AHDC1: variants seen among roughly 807,000 people sequenced by gnomAD.
The protein encoded by AHDC1 is transcription factor Gibbin.
In AHDC1, 7 loss-of-function variants were observed where a neutral mutation model predicts 87.9. That is an observed-to-expected ratio of 0.08 (90% CI 0.05 to 0.15). The LOEUF (loss-of-function observed/expected upper bound fraction) is 0.15, where lower values mean the gene tolerates loss of function less well. Among genes scored for constraint, AHDC1 ranks in the 10% least tolerant of loss-of-function variants. The pLI, the probability that AHDC1 is intolerant of heterozygous loss-of-function variation, is 1.00. For synonymous variants in AHDC1, 1,051 were observed against 1,006.8 expected, an observed-to-expected ratio of 1.04 and a Z score of -0.83; for missense variants, 1,841 against 2,253.2, an observed-to-expected ratio of 0.82 and a Z score of 3.70.
chr1:27,601,762 G>A (rs1251143643), intron 3 of AHDC1, among the ~76,000 whole-genome samples: 1 of 152,176 alleles, frequency 6.6e-6, no homozygotes, highest in Non-Finnish European at 1.5e-5. Flanking sequence ...TACAGCCCCA[G>A]CTCACACAGC....
chr1:27,578,739 C>T (rs1181780982), intron 3 of AHDC1, among the ~76,000 whole-genome samples: 1 of 151,050 alleles, frequency 6.6e-6, no homozygotes, highest in Non-Finnish European at 1.5e-5. Context: ...CACTGTCGCA[C>T]AGGCTGGAGT....
chr1:27,593,014 TG>T lies in AHDC1; in HGVS notation c.-629+10382del, dbSNP rs2089269912. Reference sequence around the variant, plus strand: ...GACCCAAGGTGACCAGGGGCAGAGTTGGCCCCACCTCCGAGCTGCATTATTT... The same window carrying T: ...GACCCAAGGTGACCAGGGGCAGAGTTGCCCCACCTCCGAGCTGCATTATTT... On this transcript the variant is annotated intron_variant, in intron 3 of 8. Transcript: ENST00000673934. The surrounding 1 kb of genome is among the most constrained non-coding windows in gnomAD (Gnocchi z 4.9). Among the ~76,000 whole-genome samples the T allele has an allele frequency of 6.6e-6, 1 of 152,042 alleles. No homozygotes were observed. Among genetic ancestry groups the T allele is most frequent in the African/African-American group, 2.4e-5 (1 of 41,382 alleles).
In AHDC1 at chr1:27,547,226, G is replaced by T; in HGVS notation, c.*43+35C>A. On this transcript the variant is annotated intron_variant, in intron 8 of 8. Coordinates refer to ENST00000673934, the MANE Select transcript of AHDC1 (RefSeq NM_001371928.1). This position sits in a 1 kb window ranked among gnomAD's most constrained non-coding sequence, Gnocchi z 4.9. Reference sequence around the variant, plus strand: ...TCTGATGTCCTCTTCCCACCCCCAGGCCTCTGCCCACTGCGCCCACATCCC... The same window carrying T: ...TCTGATGTCCTCTTCCCACCCCCAGTCCTCTGCCCACTGCGCCCACATCCC... 2 of 1,393,944 alleles carry T rather than the reference G, an allele frequency of 1.4e-6. No individual in the cohort carries two copies. Among genetic ancestry groups the T allele is most frequent in the Non-Finnish European group, 1.9e-6 (2 of 1,033,520 alleles). 86.3% of individuals were successfully genotyped at this position (1,393,944 alleles called of 1,614,324 possible). A position where few individuals can be genotyped will look rare whatever the true frequency, so the allele number is the denominator to read the frequency against.
intron 3 of AHDC1, among the ~76,000 whole-genome samples, chr1:27,577,412 C>T (rs939165222): frequency 1.3e-5 from 2 of 152,124 alleles, no homozygotes; most frequent in Non-Finnish European, 2.9e-5. Flanking sequence ...TCCTAAGGAC[C>T]ACTCTCTGCT....
chr1:27,586,677 AC>A (rs1336638816), intron 3 of AHDC1, among the ~76,000 whole-genome samples: 1 of 152,046 alleles, frequency 6.6e-6, no homozygotes, highest in Non-Finnish European at 1.5e-5. Context: ...ACTCCCGGCA[AC>A]CCCAAATATC....
rs1429689496 is a variant in AHDC1 at position 27,534,256 on chromosome 1, T to G, written c.*704A>C. On this transcript the variant is annotated 3_prime_UTR_variant, in exon 9 of 9. Transcript: ENST00000673934. ...CACAAGACACAAGGTTGGTTTTTTT[T>G]TTTTGTTTTTTTTTTGTTTTTTTTT... 3 of 139,368 alleles carry G rather than the reference T, an allele frequency of 2.2e-5. No individual in the cohort carries two copies. Among genetic ancestry groups the G allele is most frequent in the South Asian group, 4.7e-4 (2 of 4,284 alleles). The allele number at this position is 139,368 out of a possible 1,614,324, so 8.6% of individuals were successfully genotyped here. A position where few individuals can be genotyped will look rare whatever the true frequency, so the allele number is the denominator to read the frequency against.
intron 3 of AHDC1, among the ~76,000 whole-genome samples, chr1:27,578,350 A>C (rs2088815452): frequency 6.6e-6 from 1 of 152,142 alleles, no homozygotes; most frequent in Admixed American, 6.5e-5. Flanking sequence ...ACACTTTGGG[A>C]GGCCGAGGTG....
chr1:27,547,707 G>A lies in AHDC1; in HGVS notation c.4409C>T (p.Pro1470Leu), dbSNP rs1402673243. Residue 1470 changes from proline to leucine, a missense_variant, in exon 8 of 9, where the codon CCA (proline) becomes CTA (leucine). This residue lies in a region of AHDC1 where 505 missense variants were observed against 626.2 expected (regional missense o/e 0.81). Transcript: ENST00000673934. This position sits in a 1 kb window ranked among gnomAD's most constrained non-coding sequence, Gnocchi z 4.9. ...SCKGTAYWYP[P>L]GSAARSPPYE... ...GGGCGGGCTGCGGGCAGCTGAGCCTGGAGGGTACCAATAGGCTGTGCCCTT... is the reference window on the plus strand; with the variant it reads ...GGGCGGGCTGCGGGCAGCTGAGCCTAGAGGGTACCAATAGGCTGTGCCCTT... The A allele has an allele frequency of 6.3e-7, 1 of 1,597,150 alleles. No individual in the cohort carries two copies. Among genetic ancestry groups the A allele is most frequent in the Admixed American group, 1.7e-5 (1 of 58,870 alleles).
intron 3 of AHDC1, among the ~76,000 whole-genome samples, chr1:27,575,652 T>G (rs377269170): frequency 6.6e-6 from 1 of 150,462 alleles, no homozygotes; most frequent in Non-Finnish European, 1.5e-5. Context: ...GAGAGCCACA[T>G]GCCGGCCGGC....
At chr1:27,554,498 C>T (rs760196104) in intron 5 of AHDC1, among the ~76,000 whole-genome samples, 13 of 152,112 alleles carry the variant, frequency 8.5e-5, no homozygotes, top group Non-Finnish European at 5.9e-5. Context: ...AAATATTTAC[C>T]GACTGACTCC....
At chr1:27,581,399 G>A (rs2088905129) in intron 3 of AHDC1, among the ~76,000 whole-genome samples, 1 of 151,850 alleles carries the variant, frequency 6.6e-6, no homozygotes, top group Middle Eastern at 3.4e-3. Flanking sequence ...TTCTCAAAAT[G>A]GGTCCTTAGC....
At chr1:27,546,265 G>T (rs563111301) in intron 8 of AHDC1, among the ~76,000 whole-genome samples, 42 of 152,338 alleles carry the variant, frequency 2.8e-4, no homozygotes, top group African/African-American at 9.9e-4. Flanking sequence ...GGAGCAGGCT[G>T]TTCTTCAAGA....
At chr1:27,594,852 C>T (rs945492745) in intron 3 of AHDC1, among the ~76,000 whole-genome samples, 6 of 151,972 alleles carry the variant, frequency 3.9e-5, no homozygotes, top group Non-Finnish European at 5.9e-5. Flanking sequence ...GGGGTGCAGG[C>T]GGAGCACAGA....
chr1:27,550,642 T>C lies in AHDC1; in HGVS notation c.1474A>G (p.Thr492Ala). The C allele has an allele frequency of 6.2e-7, 1 of 1,613,654 alleles. No homozygotes were observed. ...PVSLGRRNKTTYKVSSLSSSL... is the reference protein window; with the variant it reads ...PVSLGRRNKTAYKVSSLSSSL... Reference sequence around the variant, plus strand: ...CTGCTCAAGGAAGACACTTTGTATGTGGTCTTGTTCCGCCGCCCCAGCGAT... The same window carrying C: ...CTGCTCAAGGAAGACACTTTGTATGCGGTCTTGTTCCGCCGCCCCAGCGAT... Residue 492 changes from threonine (T) to alanine (A), a missense_variant, in exon 8 of 9, where the codon ACA becomes GCA. Thr to Ala is a moderately conservative substitution (Grantham distance 58). Transcript: ENST00000673934.
In AHDC1 at chr1:27,561,469, G is replaced by T. The variant is rs760529669; in HGVS notation, c.-628-2586C>A. Among the ~76,000 whole-genome samples the T allele has an allele frequency of 4.6e-5, 7 of 152,238 alleles. No homozygotes were observed. The highest frequency in any genetic ancestry group is 1.0e-4 in the Non-Finnish European group (7 of 68,046). On this transcript the variant is annotated intron_variant, in intron 3 of 8. Transcript: ENST00000673934. This position sits in a 1 kb window ranked among gnomAD's most constrained non-coding sequence, Gnocchi z 4.2. ...CCAACAGTGCCCACACAGGCTGGGG[G>T]AGCTGCTGGGAGGCAGAGGACAGTG...
rs1255798030 is a variant in AHDC1, at chr1:27,595,576, T to C, written c.-629+7821A>G. ...ACATGTGCCTGGAAAGGTGTTGTGGTTGGTGGAGGATGCACTGTGGTTTTG... is the reference window on the plus strand; with the variant it reads ...ACATGTGCCTGGAAAGGTGTTGTGGCTGGTGGAGGATGCACTGTGGTTTTG... On this transcript the variant is annotated intron_variant, in intron 3 of 8. Transcript: ENST00000673934. The surrounding 1 kb of genome is among the most constrained non-coding windows in gnomAD (Gnocchi z 4.0). 6.6e-6 allele frequency among the ~76,000 whole-genome samples: 1 copy of C among 151,646 alleles called. No individual in the cohort carries two copies. The highest frequency in any genetic ancestry group is 1.5e-5 in the Non-Finnish European group (1 of 67,906).
At chr1:27,539,374 C>A (rs1293126640) in intron 8 of AHDC1, among the ~76,000 whole-genome samples, 2 of 151,860 alleles carry the variant, frequency 1.3e-5, no homozygotes, top group Non-Finnish European at 2.9e-5. Context: ...TGGGCTCAAG[C>A]GATCCTCCCA....
chr1:27,541,430 T>G (rs1177149340), intron 8 of AHDC1, among the ~76,000 whole-genome samples: 1 of 152,056 alleles, frequency 6.6e-6, no homozygotes, highest in Non-Finnish European at 1.5e-5. Context: ...GCAATTCTCC[T>G]GCCTCAGCCT....
intron 3 of AHDC1, among the ~76,000 whole-genome samples, chr1:27,566,770 A>C (rs2020337910): frequency 7.3e-6 from 1 of 137,326 alleles, no homozygotes; most frequent in Non-Finnish European, 1.5e-5. Context: ...TGAGGCTCAC[A>C]GATGCATCGG....
Sources: allele counts gnomAD v4.1 joint callset (sites outside exome capture counted in the v4.1 genomes callset), GRCh38; gene constraint gnomAD v4.1.1; regional missense constraint gnomAD v4.1.1; non-coding constraint Gnocchi (gnomAD v3.1); transcripts MANE v1.5; gene names NCBI Gene and HGNC (gene_info 2026-07-23, HGNC 2026-07-21).